The following ZNF682 variants were observed in gnomAD, a reference collection of about 807,000 sequenced individuals.
ZNF682 encodes the protein zinc finger protein 682.
Under a neutral mutation model 36.5 loss-of-function variants are expected in ZNF682, and 29 were observed. The ratio of observed to expected loss-of-function variants is 0.80; its 90% CI spans 0.59 to 1.08. The LOEUF is 1.08. Among genes scored for constraint, ZNF682 ranks in the 50% least tolerant of loss-of-function variants. ZNF682 has a pLI of 0.00. For synonymous variants in ZNF682, 180 were observed against 197.0 expected (o/e 0.91, Z 0.72); for missense variants, 561 against 579.7 (o/e 0.97, Z 0.33).
intron 3 of ZNF682, among the ~76,000 whole-genome samples, chr19:19,998,365 G>A (rs891462388): frequency 6.6e-6 from 1 of 152,176 alleles, no homozygotes; most frequent in Non-Finnish European, 1.5e-5. Context: ...AATCTCACAG[G>A]TGTGAGTTGG....
intron 3 of ZNF682, among the ~76,000 whole-genome samples, chr19:20,021,028 G>T (rs975149195): frequency 4.7e-5 from 7 of 149,638 alleles, no homozygotes; most frequent in Non-Finnish European, 1.0e-4. Flanking sequence ...TATATCAGGG[G>T]TATCCAATCT....
Position 20,026,817 on chromosome 19 carries a change from G to T in ZNF682, c.4-2441C>A, listed in dbSNP as rs144686845. On this transcript the variant is annotated intron_variant, in intron 1 of 3. Coordinates refer to ENST00000397165, the MANE Select transcript of ZNF682 (RefSeq NM_033196.3). ...GGTCATACACTCGATGGTGAGAACT[G>T]GTCATGGTATGTAAGAAGCCTGGAT... 4.1e-3 allele frequency among the ~76,000 whole-genome samples: 628 copies of T among 152,204 alleles called. 8 individuals carry two copies. The highest frequency in any genetic ancestry group is 0.014 in the African/African-American group (598 of 41,538).
intron 3 of ZNF682, chr19:20,008,311 C>T (rs1254397832): frequency 6.6e-6 from 1 of 152,272 alleles, no homozygotes; most frequent in Non-Finnish European, 1.5e-5. Flanking sequence ...CAGCATAGAA[C>T]ATCTGGAAGA....
chr19:20,007,161 C>T lies in ZNF682; in HGVS notation c.341G>A (p.Arg114Lys), dbSNP rs200416446. ...GSCGLEDLHL[R>K]KDGENVGECK... ...CTCACCCACATTTTCCCCATCCTTC[C>T]TTAAGTGTAAATCCTCAAGTCCACA... Residue 114 changes from arginine (R) to lysine (K), a missense_variant, in exon 4 of 4, where the codon AGG (arginine) becomes AAG (lysine). Transcript: ENST00000397165. 59 of 1,613,556 alleles carry T rather than the reference C, an allele frequency of 3.7e-5. 1 individual carries two copies. Among genetic ancestry groups the T allele is most frequent in the Non-Finnish European group, 5.0e-5 (59 of 1,180,002 alleles).
chr19:19,996,783 T>C (rs995031616), downstream of ZNF682, among the ~76,000 whole-genome samples: 7 of 152,050 alleles, frequency 4.6e-5, no homozygotes, highest in African/African-American at 1.7e-4. Flanking sequence ...AACTTAGCCA[T>C]GTAACCAAAC....
intron 3 of ZNF682, among the ~76,000 whole-genome samples, chr19:20,022,273 G>A (rs1349440073): frequency 3.3e-5 from 5 of 151,636 alleles, no homozygotes; most frequent in Non-Finnish European, 7.4e-5. Context: ...CTGGGATTTT[G>A]GAACCAAATA....
intron 1 of ZNF682, among the ~76,000 whole-genome samples, chr19:20,025,433 T>G (rs947089278): frequency 6.6e-5 from 10 of 152,234 alleles, no homozygotes; most frequent in Admixed American, 2.0e-4. Flanking sequence ...ATCCCAGCAC[T>G]TTGGGAGGCC....
chr19:20,039,106 T>C, intron 1 of ZNF682: 1 of 1,378,402 alleles, frequency 7.3e-7, no homozygotes. Context: ...CTTCCCAGGG[T>C]GGGCTCCGGG....
chr19:20,015,374 G>T, intron 3 of ZNF682: 1 of 984,422 alleles, frequency 1.0e-6, no homozygotes, highest in South Asian at 4.7e-5. Context: ...AATTAAATTG[G>T]TAATAAACAT....
chr19:20,018,884 C>T (rs1403306727), intron 3 of ZNF682, among the ~76,000 whole-genome samples: 1 of 151,974 alleles, frequency 6.6e-6, no homozygotes, highest in Non-Finnish European at 1.5e-5. Context: ...GCATAAGGAA[C>T]AAATAATAGA....
intron 1 of ZNF682, among the ~76,000 whole-genome samples, chr19:20,032,940 G>A (rs150582390): frequency 6.6e-6 from 1 of 152,238 alleles, no homozygotes; most frequent in East Asian, 1.9e-4. Context: ...CCAAATTCAG[G>A]TACTTGCTGA....
At chr19:20,018,986 T>C (rs959026117) in intron 3 of ZNF682, among the ~76,000 whole-genome samples, 4 of 152,184 alleles carry the variant, frequency 2.6e-5, no homozygotes, top group Non-Finnish European at 4.4e-5. Flanking sequence ...GGTGAAATAT[T>C]TGAAAATCAC....
intron 1 of ZNF682, among the ~76,000 whole-genome samples, chr19:20,038,702 C>T (rs2088556074): frequency 6.6e-6 from 1 of 151,904 alleles, no homozygotes; most frequent in Non-Finnish European, 1.5e-5. Context: ...ATTTAAGCAA[C>T]CACAAACCTT....
rs901519697 is a variant in ZNF682, at chr19:20,027,790, A to C, written c.4-3414T>G. 1.7e-4 allele frequency among the ~76,000 whole-genome samples: 26 copies of C among 150,580 alleles called. 1 individual carries two copies. Among genetic ancestry groups the C allele is most frequent in the Admixed American group, 7.9e-4 (12 of 15,110 alleles). On this transcript the variant is annotated intron_variant, in intron 1 of 3. Coordinates refer to ENST00000397165, the MANE Select transcript of ZNF682 (RefSeq NM_033196.3). ...ACAAAAAAGAAAAACAAAAACAAAA[A>C]AAAAAAACAAAGCCTGGGGAGGCTG...
intron 1 of ZNF682, among the ~76,000 whole-genome samples, chr19:20,031,513 T>C (rs1317231268): frequency 1.3e-5 from 2 of 152,214 alleles, no homozygotes; most frequent in Non-Finnish European, 2.9e-5. Context: ...TCAGGTCCTG[T>C]CTCATGAGTC....
intron 1 of ZNF682, among the ~76,000 whole-genome samples, chr19:20,027,849 G>C (rs978278343): frequency 6.6e-6 from 1 of 152,034 alleles, no homozygotes; most frequent in Non-Finnish European, 1.5e-5. Context: ...AGGAGACAGA[G>C]GTTGCAGTGA....
At chr19:19,998,177 C>T (rs74638320) in intron 3 of ZNF682, among the ~76,000 whole-genome samples, 4 of 152,004 alleles carry the variant, frequency 2.6e-5, no homozygotes, top group African/African-American at 9.7e-5. Flanking sequence ...AGCAAGTATA[C>T]GTGAAAGAAA....
intron 3 of ZNF682, among the ~76,000 whole-genome samples, chr19:20,018,017 A>T (rs1404673427): frequency 1.3e-5 from 2 of 151,664 alleles, no homozygotes; most frequent in African/African-American, 2.4e-5. Context: ...ATATCTATCA[A>T]AATCTCCATG....
downstream of ZNF682, among the ~76,000 whole-genome samples, chr19:19,996,004 C>A (rs555277158): frequency 2.6e-5 from 4 of 152,292 alleles, no homozygotes; most frequent in South Asian, 8.3e-4. Flanking sequence ...AGGCACAGAG[C>A]AGATGGTGGC....
Sources: gnomAD v4.1 joint callset for allele counts (sites outside exome capture counted in the v4.1 genomes callset) on GRCh38, gnomAD v4.1.1 for gene constraint, MANE v1.5 for transcripts, NCBI Gene and HGNC (gene_info 2026-07-23, HGNC 2026-07-21) for gene names.